Variants in ZNF714 observed in about 807,000 individuals in gnomAD.
The protein encoded by ZNF714 is zinc finger protein 714.
ZNF714 carries 32 observed loss-of-function variants against 46.2 expected under a neutral mutation model. That is an observed-to-expected ratio of 0.69 (90% CI 0.52 to 0.93). ZNF714 has a LOEUF of 0.93. Ranked by LOEUF, ZNF714 falls within the 40% of genes least tolerant of loss-of-function variation. The pLI, the probability that ZNF714 is intolerant of heterozygous loss-of-function variation, is 0.00. For synonymous variants in ZNF714, 199 were observed against 213.1 expected, an observed-to-expected ratio of 0.93 and a Z score of 0.58; for missense variants, 635 against 646.3, an observed-to-expected ratio of 0.98 and a Z score of 0.19.
chr19:21,112,815 G>GTTTTTTTTTTTTTTTTTTTT (rs1314785181), intron 4 of ZNF714, among the ~76,000 whole-genome samples: 1 of 41,700 alleles, frequency 2.4e-5, no homozygotes, highest in Non-Finnish European at 5.6e-5. Context: ...TTTTATTTCT[G>GTTTTTTTTTTTTTTTTTTTT]ATTTTTTTTT....
intron 2 of ZNF714, among the ~76,000 whole-genome samples, chr19:21,097,119 G>T (rs1321886041): frequency 1.3e-5 from 2 of 152,094 alleles, no homozygotes; most frequent in Admixed American, 1.3e-4. Flanking sequence ...GCCTGCCTCA[G>T]CCTCCCAAAG....
In ZNF714 at chr19:21,123,500, G is replaced by T. The variant is rs762997261; in HGVS notation, c.*5168G>T. Among the ~76,000 whole-genome samples, 4 of 151,914 alleles carry T rather than the reference G, an allele frequency of 2.6e-5. No homozygotes were observed. Among genetic ancestry groups the T allele is most frequent in the South Asian group, 2.1e-4 (1 of 4,804 alleles). On this transcript the variant is annotated 3_prime_UTR_variant, in exon 5 of 5. Transcript: ENST00000456283. ...CTCCCGAGTAGCTGGGACTACAGGC[G>T]CCCGCTACCGCACCCGTCTAATTTT...
intron 2 of ZNF714, among the ~76,000 whole-genome samples, chr19:21,097,780 A>G (rs538418798): frequency 0.013 from 1,612 of 120,936 alleles, 12 homozygotes; most frequent in Non-Finnish European, 0.02. Context: ...TCTTCTGGGG[A>G]AAAAAAAAAA....
intron 2 of ZNF714, among the ~76,000 whole-genome samples, chr19:21,093,255 G>T (rs894854943): frequency 1.3e-5 from 2 of 149,432 alleles, no homozygotes; most frequent in Non-Finnish European, 3.0e-5. Flanking sequence ...TTTTGAGATG[G>T]AGTTTTCACT....
At chr19:21,103,242 A>T (rs1208619034) in intron 4 of ZNF714, among the ~76,000 whole-genome samples, 3 of 151,468 alleles carry the variant, frequency 2.0e-5, no homozygotes, top group Admixed American at 2.0e-4. Flanking sequence ...TTTCCTTTAG[A>T]AAAAGTAATT....
In ZNF714 at chr19:21,117,201, C is replaced by T; in HGVS notation, c.537C>T (p.Asp179=). The change falls in exon 5 of 5, where the codon GAC becomes GAT. Residue 179 remains aspartate, a synonymous_variant. Coordinates refer to ENST00000456283, the MANE Select transcript of ZNF714 (RefSeq NM_182515.4). ...RENSYQCEEC[D]KVFKRFSTLT... Reference sequence around the variant, plus strand: ...ATTCTTACCAATGTGAAGAATGTGACAAAGTGTTTAAGCGGTTCTCAACCC... The same window carrying T: ...ATTCTTACCAATGTGAAGAATGTGATAAAGTGTTTAAGCGGTTCTCAACCC... 3 of 1,613,984 alleles carry T rather than the reference C, an allele frequency of 1.9e-6. No individual in the cohort carries two copies. Among genetic ancestry groups the T allele is most frequent in the Non-Finnish European group, 1.7e-6 (2 of 1,179,938 alleles).
At chr19:21,086,844 A>G (rs1035688885) in intron 2 of ZNF714, among the ~76,000 whole-genome samples, 1 of 152,126 alleles carries the variant, frequency 6.6e-6, no homozygotes, top group Non-Finnish European at 1.5e-5. Context: ...TTGTAGAGGG[A>G]TGAAGATTCA....
chr19:21,082,245 C>T lies in ZNF714; in HGVS notation c.-280C>T, dbSNP rs1422032338. 3.2e-6 allele frequency: 4 copies of T among 1,265,542 alleles called. No homozygotes were observed. The highest frequency in any genetic ancestry group is 4.4e-6 in the Non-Finnish European group (4 of 915,960). 78.4% of individuals were successfully genotyped at this position (1,265,542 alleles called of 1,614,324 possible). ...GAGCTGCAGGTCTCGCCTTCACTGC[C>T]CTGTGTCCTCTGCTCGCAGAGGCCC... On this transcript the variant is annotated 5_prime_UTR_variant, in exon 1 of 5. Coordinates refer to ENST00000456283, the MANE Select transcript of ZNF714 (RefSeq NM_182515.4).
chr19:21,084,186 G>GAA, intron 2 of ZNF714, 117 bp downstream of exon 2: 1 of 273,120 alleles, frequency 3.7e-6, no homozygotes. Context: ...GTGTTAAAAA[G>GAA]AAAAAAAAAT....
chr19:21,113,977 G>T (rs1244114608), intron 4 of ZNF714, among the ~76,000 whole-genome samples: 1 of 152,132 alleles, frequency 6.6e-6, no homozygotes, highest in Non-Finnish European at 1.5e-5. Flanking sequence ...TAACAGTGGG[G>T]TGTTAAAGAC....
intron 1 of ZNF714, among the ~76,000 whole-genome samples, chr19:21,083,112 ACCGTAACCT>A (rs1968695762): frequency 6.6e-6 from 1 of 151,514 alleles, no homozygotes; most frequent in Non-Finnish European, 1.5e-5. Flanking sequence ...ATCTTGTCTC[ACCGTAACCT>A]CTGCCTCCCG....
chr19:21,096,851 CATTTATTT>C (rs111755749), intron 2 of ZNF714, among the ~76,000 whole-genome samples: 3 of 151,830 alleles, frequency 2.0e-5, no homozygotes, highest in African/African-American at 4.8e-5. Context: ...AACAGGATGG[CATTTATTT>C]ATTTATTTAT....
At chr19:21,114,853 T>C (rs566043774) in intron 4 of ZNF714, among the ~76,000 whole-genome samples, 4 of 152,200 alleles carry the variant, frequency 2.6e-5, no homozygotes, top group Admixed American at 6.5e-5. Flanking sequence ...GGTGGTCATG[T>C]ATTCCTTCAG....
At position 21,123,519 on chromosome 19, in the gene ZNF714, T is replaced by G. The variant is rs1312349524; in HGVS notation, c.*5187T>G. 6.6e-6 allele frequency among the ~76,000 whole-genome samples: 1 copy of G among 152,004 alleles called. No individual in the cohort carries two copies. Among genetic ancestry groups the G allele is most frequent in the Non-Finnish European group, 1.5e-5 (1 of 68,000 alleles). On this transcript the variant is annotated 3_prime_UTR_variant, in exon 5 of 5. Transcript: ENST00000456283. ...ACAGGCGCCCGCTACCGCACCCGTC[T>G]AATTTTTTTGTATTTTTAGTAGAGA...
Position 21,082,319 on chromosome 19 carries a change from G to A in ZNF714, c.-206G>A, listed in dbSNP as rs750122809. Reference sequence around the variant, plus strand: ...CAGGTATTGAGAGATCCACAGCTAAGACGCCAGGTACCCCGGAAGCCTAGA... The same window carrying A: ...CAGGTATTGAGAGATCCACAGCTAAAACGCCAGGTACCCCGGAAGCCTAGA... On this transcript the variant is annotated 5_prime_UTR_variant, in exon 1 of 5. Coordinates refer to ENST00000456283, the MANE Select transcript of ZNF714 (RefSeq NM_182515.4). 1.4e-6 allele frequency: 2 copies of A among 1,454,494 alleles called. No homozygotes were observed. Among genetic ancestry groups the A allele is most frequent in the Non-Finnish European group, 9.3e-7 (1 of 1,075,802 alleles). 90.1% of individuals were successfully genotyped at this position (1,454,494 alleles called of 1,614,324 possible).
chr19:21,119,860 G>A lies in ZNF714; in HGVS notation c.*1528G>A, dbSNP rs1043935260. ...CTTTAAGAGGATCAGAAGGTTTTTT[G>A]CAGTTATAATTACATTCAAAGTATA... On this transcript the variant is annotated 3_prime_UTR_variant, in exon 5 of 5. Transcript: ENST00000456283. The A allele has an allele frequency of 6.6e-6, 1 of 152,112 alleles. No individual in the cohort carries two copies. The allele number at this position is 152,112 out of a possible 1,614,324, so 9.4% of individuals were successfully genotyped here. A position where few individuals can be genotyped will look rare whatever the true frequency, so the allele number is the denominator to read the frequency against.
At chr19:21,108,705 CCTT>C (rs558272917) in intron 4 of ZNF714, among the ~76,000 whole-genome samples, 139 of 152,276 alleles carry the variant, frequency 9.1e-4, no homozygotes, top group African/African-American at 3.2e-3. Flanking sequence ...GCCAAATAAA[CCTT>C]CTTTCTTTAT....
chr19:21,083,875 C>T (rs952678987), intron 1 of ZNF714, 103 bp from the exon 2 acceptor site: 3 of 443,068 alleles, frequency 6.8e-6, no homozygotes, highest in Non-Finnish European at 6.9e-6. Flanking sequence ...TTTTTCTGGT[C>T]GTGGGTTTCA....
At chr19:21,112,547 T>TG (rs1969470479) in intron 4 of ZNF714, among the ~76,000 whole-genome samples, 15 of 151,712 alleles carry the variant, frequency 9.9e-5, no homozygotes, top group African/African-American at 3.1e-4. Flanking sequence ...TTTTTTTTTT[T>TG]GAATGGTTTT....
Sources: allele counts gnomAD v4.1 joint callset (sites outside exome capture counted in the v4.1 genomes callset), GRCh38; gene constraint gnomAD v4.1.1; transcripts MANE v1.5; gene names NCBI Gene and HGNC (gene_info 2026-07-23, HGNC 2026-07-21).